Variants in CNTN5 observed in about 807,000 individuals in gnomAD.
The protein encoded by CNTN5 is contactin-5.
In CNTN5, 77 loss-of-function variants were observed where a neutral mutation model predicts 129.1. That is an observed-to-expected ratio of 0.60 (90% CI 0.50 to 0.72). The LOEUF is 0.72. Ranked by LOEUF, CNTN5 falls within the 30% of genes least tolerant of loss-of-function variation. CNTN5 has a pLI of 0.00. For synonymous variants in CNTN5, 509 were observed against 465.6 expected (o/e 1.09, Z -1.20); for missense variants, 1,478 against 1,328.8 (o/e 1.11, Z -1.75).
At chr11:99,640,420 TG>T (rs779574382) in intron 3 of CNTN5, among the ~76,000 whole-genome samples, 23 of 152,164 alleles carry the variant, frequency 1.5e-4, no homozygotes, top group Non-Finnish European at 2.9e-4. Flanking sequence ...CGGAAACCCC[TG>T]ATAAACCCAT....
chr11:99,304,014 A>T (rs1864762028), intron 1 of CNTN5, among the ~76,000 whole-genome samples: 1 of 152,120 alleles, frequency 6.6e-6, no homozygotes, highest in African/African-American at 2.4e-5. Context: ...GTCTGTCTCA[A>T]CACCAAGTCC....
At chr11:99,230,439 T>C (rs1860932327) in intron 1 of CNTN5, among the ~76,000 whole-genome samples, 1 of 152,138 alleles carries the variant, frequency 6.6e-6, no homozygotes, top group Non-Finnish European at 1.5e-5. Context: ...AAATAAATTA[T>C]GTTTTTTGGG....
At chr11:99,652,638 T>G (rs947925110) in intron 3 of CNTN5, among the ~76,000 whole-genome samples, 1 of 152,056 alleles carries the variant, frequency 6.6e-6, no homozygotes, top group African/African-American at 2.4e-5. Flanking sequence ...TGGTGAAAAA[T>G]TTTGATCAGA....
chr11:99,528,918 T>A (rs61911086), intron 2 of CNTN5, among the ~76,000 whole-genome samples: 2 of 146,882 alleles, frequency 1.4e-5, no homozygotes, highest in South Asian at 2.2e-4. Context: ...AAAAAAAAAT[T>A]GCCTGGCATA....
chr11:99,752,532 A>G lies in CNTN5; in HGVS notation c.56-67012A>G, dbSNP rs762493037. Among the ~76,000 whole-genome samples, 77 of 152,172 alleles carry G rather than the reference A, an allele frequency of 5.1e-4. 1 individual carries two copies. Among genetic ancestry groups the G allele is most frequent in the Non-Finnish European group, 1.3e-4 (9 of 68,026 alleles). ...AGGAAAATAAGTGATAAAATAAGAA[A>G]CCATAAATGAAGTAAATGTTATAAT... On this transcript the variant is annotated intron_variant, in intron 3 of 24. Transcript: ENST00000524871.
intron 2 of CNTN5, among the ~76,000 whole-genome samples, chr11:99,527,446 A>G (rs1220407802): frequency 6.6e-6 from 1 of 152,176 alleles, no homozygotes; most frequent in Non-Finnish European, 1.5e-5. Context: ...TAATTTCTTT[A>G]AAATTATAAA....
chr11:99,616,979 C>T (rs1269459018), intron 3 of CNTN5, among the ~76,000 whole-genome samples: 2 of 152,134 alleles, frequency 1.3e-5, no homozygotes, highest in Non-Finnish European at 2.9e-5. Context: ...GGCGTGGTGG[C>T]ACGTGCCTGT....
chr11:99,880,342 A>G (rs1232644767), intron 6 of CNTN5, among the ~76,000 whole-genome samples: 1 of 152,208 alleles, frequency 6.6e-6, no homozygotes, highest in Admixed American at 6.5e-5. Context: ...ATAGAATAAG[A>G]AATAGTACTC....
At chr11:99,409,954 A>G (rs2135002914) in intron 2 of CNTN5, among the ~76,000 whole-genome samples, 1 of 152,352 alleles carries the variant, frequency 6.6e-6, no homozygotes, top group Middle Eastern at 3.4e-3. Context: ...TGTGCTAGGC[A>G]CTTACACTTA....
intron 3 of CNTN5, among the ~76,000 whole-genome samples, chr11:99,703,011 G>C (rs753531416): frequency 6.6e-6 from 1 of 150,810 alleles, no homozygotes; most frequent in East Asian, 1.9e-4. Flanking sequence ...AACGTCGCAT[G>C]AAGATGTATA....
chr11:100,045,359 G>A (rs1942609663), intron 9 of CNTN5, among the ~76,000 whole-genome samples: 1 of 151,830 alleles, frequency 6.6e-6, no homozygotes, highest in Non-Finnish European at 1.5e-5. Context: ...AAATAATTAG[G>A]GGCCAACTAT....
intron 2 of CNTN5, among the ~76,000 whole-genome samples, chr11:99,515,956 A>G (rs1000642212): frequency 2.0e-5 from 3 of 150,102 alleles, no homozygotes; most frequent in African/African-American, 7.4e-5. Flanking sequence ...TATGAAAAAA[A>G]AAAAACAAAA....
chr11:99,842,817 A>G (rs541755816), intron 4 of CNTN5, among the ~76,000 whole-genome samples: 17 of 152,342 alleles, frequency 1.1e-4, no homozygotes, highest in African/African-American at 3.8e-4. Context: ...CTAGTTATTT[A>G]TTAAATCATT....
chr11:100,265,917 G>T (rs561238294), intron 17 of CNTN5, among the ~76,000 whole-genome samples: 29 of 152,182 alleles, frequency 1.9e-4, no homozygotes, highest in Admixed American at 1.8e-3. Context: ...CATAGTTTTT[G>T]ATTATGTCTA....
At chr11:100,033,528 T>A (rs1372271641) in intron 9 of CNTN5, among the ~76,000 whole-genome samples, 2 of 152,180 alleles carry the variant, frequency 1.3e-5, no homozygotes, top group African/African-American at 4.8e-5. Context: ...AGGACCCCTG[T>A]CTTCACCTCT....
intron 1 of CNTN5, among the ~76,000 whole-genome samples, chr11:99,129,705 G>A (rs11218498): frequency 0.66 from 100,079 of 151,930 alleles, 33,869 homozygotes; most frequent in African/African-American, 0.82. Context: ...GTTAAGGGCA[G>A]TCAGAGAGAA....
At chr11:100,337,842 T>C (rs778378608) in intron 21 of CNTN5, among the ~76,000 whole-genome samples, 24 of 152,340 alleles carry the variant, frequency 1.6e-4, no homozygotes, top group South Asian at 2.1e-4. Flanking sequence ...CCAGGTGGAA[T>C]TGCTTGAGGA....
In CNTN5 at chr11:99,987,068, A is replaced by G. The variant is rs1417962964; in HGVS notation, c.878-14966A>G. Among the ~76,000 whole-genome samples, 3 of 152,164 alleles carry G rather than the reference A, an allele frequency of 2.0e-5. No homozygotes were observed. In the East Asian group the frequency reaches 5.8e-4, roughly 29 times the overall value. On this transcript the variant is annotated intron_variant, in intron 8 of 24. Coordinates refer to ENST00000524871, the MANE Select transcript of CNTN5 (RefSeq NM_014361.4). ...TCCAGATTAGAAAATTATTTTAAGT[A>G]TCCCACAAAACAAAAAAGAACACAA... is the stretch of plus-strand genomic sequence containing the variant.
chr11:99,522,627 A>G (rs1947312995), intron 2 of CNTN5, among the ~76,000 whole-genome samples: 1 of 152,168 alleles, frequency 6.6e-6, no homozygotes, highest in African/African-American at 2.4e-5. Flanking sequence ...AATTTTAACC[A>G]ATGACTCATC....
Sources: gnomAD v4.1 joint callset for allele counts (sites outside exome capture counted in the v4.1 genomes callset) on GRCh38, gnomAD v4.1.1 for gene constraint, MANE v1.5 for transcripts, NCBI Gene and HGNC (gene_info 2026-07-23, HGNC 2026-07-21) for gene names.